Variants in CNTNAP2 observed in about 807,000 individuals in gnomAD.
The protein encoded by CNTNAP2 is contactin-associated protein-like 2.
A neutral mutation model predicts 155.2 loss-of-function variants in CNTNAP2; 98 were observed. The observed-to-expected ratio is 0.63, with a 90% CI of 0.54 to 0.75. The LOEUF is 0.75. Ranked by LOEUF, CNTNAP2 falls within the 30% of genes least tolerant of loss-of-function variation. The pLI is 0.00. For missense variants in CNTNAP2, 1,727 were observed against 1,688.1 expected, an observed-to-expected ratio of 1.02 and a Z score of -0.40; for synonymous variants, 651 against 631.2, an observed-to-expected ratio of 1.03 and a Z score of -0.47.
intron 1 of CNTNAP2, among the ~76,000 whole-genome samples, chr7:146,663,612 T>C (rs1034293765): frequency 6.6e-6 from 1 of 152,168 alleles, no homozygotes; most frequent in Non-Finnish European, 1.5e-5. Context: ...TTTTCTTCGC[T>C]TTAATTTTTG....
At chr7:148,124,162 G>A (rs1280943571) in intron 16 of CNTNAP2, among the ~76,000 whole-genome samples, 1 of 152,162 alleles carries the variant, frequency 6.6e-6, no homozygotes, top group Admixed American at 6.5e-5. Flanking sequence ...ACCCAGCATC[G>A]CAGCACCTCA....
intron 1 of CNTNAP2, among the ~76,000 whole-genome samples, chr7:146,608,630 G>T (rs1799085329): frequency 6.6e-6 from 1 of 152,088 alleles, no homozygotes; most frequent in Non-Finnish European, 1.5e-5. Flanking sequence ...ATTGATGTAA[G>T]TATAAAGAAT....
intron 11 of CNTNAP2, among the ~76,000 whole-genome samples, chr7:147,537,251 T>TA (rs1386454172): frequency 6.6e-6 from 1 of 151,106 alleles, no homozygotes; most frequent in Non-Finnish European, 1.5e-5. Context: ...AGTACATTTT[T>TA]AAAAATGCAA....
rs547090205 is a variant in CNTNAP2 at position 148,401,252 on chromosome 7, C to T, written c.3716-8139C>T. The stretch of plus-strand genomic sequence containing the variant: ...TCCTGAATGAGGAGTCGAAAGACCT[C>T]GTCCTCGTAGCAGCGACTCTGGCAC... On this transcript the variant is annotated intron_variant, in intron 22 of 23. Transcript: ENST00000361727. Among the ~76,000 whole-genome samples, 55 of 152,228 alleles carry T rather than the reference C, an allele frequency of 3.6e-4. 1 individual carries two copies. The South Asian group carries it at 5.6e-3, about 15-fold the overall frequency.
intron 14 of CNTNAP2, among the ~76,000 whole-genome samples, chr7:147,931,781 A>G (rs549199235): frequency 3.3e-5 from 5 of 152,340 alleles, no homozygotes; most frequent in African/African-American, 9.6e-5. Flanking sequence ...TGACAGGAAA[A>G]CTTAATATCA....
intron 18 of CNTNAP2, among the ~76,000 whole-genome samples, chr7:148,175,681 A>G (rs979990509): frequency 1.3e-5 from 2 of 152,186 alleles, no homozygotes; most frequent in Admixed American, 6.5e-5. Flanking sequence ...ACACTAGGAC[A>G]GGCTTGGGAC....
chr7:146,354,443 C>G (rs1341672594), intron 1 of CNTNAP2, among the ~76,000 whole-genome samples: 1 of 132,520 alleles, frequency 7.5e-6, no homozygotes, highest in East Asian at 2.2e-4. Context: ...GAGACAGAAT[C>G]TCACTCTGTC....
At chr7:146,186,811 A>T (rs1459554301) in intron 1 of CNTNAP2, among the ~76,000 whole-genome samples, 1 of 152,184 alleles carries the variant, frequency 6.6e-6, no homozygotes, top group African/African-American at 2.4e-5. Flanking sequence ...TTTTGGAACC[A>T]ATAATCCTTT....
intron 12 of CNTNAP2, among the ~76,000 whole-genome samples, chr7:147,567,097 GA>G (rs1450902572): frequency 1.3e-5 from 2 of 152,102 alleles, no homozygotes; most frequent in Non-Finnish European, 2.9e-5. Context: ...CAGGAATAAT[GA>G]ACCTTCTAAG....
intron 14 of CNTNAP2, among the ~76,000 whole-genome samples, chr7:147,942,775 C>G (rs554127738): frequency 6.6e-6 from 1 of 152,140 alleles, no homozygotes; most frequent in Non-Finnish European, 1.5e-5. Context: ...CAGTGGCTCA[C>G]GCCCGTAATC....
intron 15 of CNTNAP2, among the ~76,000 whole-genome samples, chr7:148,008,595 T>A (rs1333380013): frequency 2.0e-5 from 3 of 152,200 alleles, no homozygotes; most frequent in Non-Finnish European, 4.4e-5. Context: ...TGAAAAATCA[T>A]TGAGAGTTCC....
rs143914653 is a variant in CNTNAP2 at position 147,522,768 on chromosome 7, CA to C, written c.1777+36737del. Among the ~76,000 whole-genome samples the C allele has an allele frequency of 8.6e-5, 8 of 93,290 alleles. No individual in the cohort carries two copies. In the South Asian group the frequency reaches 1.1e-3, roughly 12 times the overall value. 61.2% of individuals were successfully genotyped at this position (93,290 alleles called of 152,430 possible). A position where few individuals can be genotyped will look rare whatever the true frequency, so the allele number is the denominator to read the frequency against. Reference sequence around the variant, plus strand: ...CAAACTTCAAAATTTTCTGGCCCAGCAAAAAAAAAACAAAAAAACAAAAAAA... The same window carrying C: ...CAAACTTCAAAATTTTCTGGCCCAGCAAAAAAAAACAAAAAAACAAAAAAA... On this transcript the variant is annotated intron_variant, in intron 11 of 23. Coordinates refer to ENST00000361727, the MANE Select transcript of CNTNAP2 (RefSeq NM_014141.6).
chr7:147,688,180 A>C (rs1381698039), intron 13 of CNTNAP2, among the ~76,000 whole-genome samples: 4 of 152,096 alleles, frequency 2.6e-5, no homozygotes, highest in Non-Finnish European at 5.9e-5. Flanking sequence ...CATTTGACGC[A>C]TTCCTGGGAA....
At chr7:146,219,473 A>G (rs1712322819) in intron 1 of CNTNAP2, among the ~76,000 whole-genome samples, 1 of 152,240 alleles carries the variant, frequency 6.6e-6, no homozygotes, top group Admixed American at 6.5e-5. Flanking sequence ...AATAATTAGT[A>G]GATAAACCCA....
At chr7:148,067,903 G>A (rs567989922) in intron 15 of CNTNAP2, among the ~76,000 whole-genome samples, 3 of 152,152 alleles carry the variant, frequency 2.0e-5, no homozygotes, top group Admixed American at 6.5e-5. Context: ...GCTCTGCAGT[G>A]TCATATAGGT....
At chr7:147,658,046 G>A in intron 13 of CNTNAP2, among the ~76,000 whole-genome samples, 1 of 119,312 alleles carries the variant, frequency 8.4e-6, no homozygotes, top group African/African-American at 2.8e-5. Flanking sequence ...CACGAGGTCA[G>A]GAGATCGAGA....
intron 15 of CNTNAP2, among the ~76,000 whole-genome samples, chr7:148,093,476 C>T (rs1345261393): frequency 6.6e-6 from 1 of 152,206 alleles, no homozygotes; most frequent in Non-Finnish European, 1.5e-5. Context: ...ACTAGCCAAT[C>T]TATTTACAAT....
intron 12 of CNTNAP2, among the ~76,000 whole-genome samples, chr7:147,592,223 A>G (rs1409051230): frequency 2.6e-5 from 4 of 152,198 alleles, no homozygotes; most frequent in African/African-American, 9.6e-5. Flanking sequence ...ATAAATATAT[A>G]AAGGAATAAA....
intron 21 of CNTNAP2, among the ~76,000 whole-genome samples, chr7:148,272,360 T>A (rs1371809129): frequency 6.6e-6 from 1 of 152,176 alleles, no homozygotes; most frequent in Non-Finnish European, 1.5e-5. Flanking sequence ...CAGCAACAAA[T>A]TTAATGGTCT....
Sources: allele counts gnomAD v4.1 joint callset (sites outside exome capture counted in the v4.1 genomes callset), GRCh38; gene constraint gnomAD v4.1.1; transcripts MANE v1.5; gene names NCBI Gene and HGNC (gene_info 2026-07-23, HGNC 2026-07-21).